The following PLCL2 variants were observed in gnomAD, a reference collection of about 807,000 sequenced individuals.
The protein encoded by PLCL2 is inactive phospholipase C-like protein 2.
Under a neutral mutation model 79.6 loss-of-function variants are expected in PLCL2, and 4 were observed. The ratio of observed to expected loss-of-function variants is 0.05; its 90% CI spans 0.02 to 0.11. The LOEUF (loss-of-function observed/expected upper bound fraction) is 0.11. Among genes scored for constraint, PLCL2 ranks in the 10% least tolerant of loss-of-function variants. PLCL2 has a pLI of 1.00. For missense variants in PLCL2, 895 were observed against 1,291.0 expected (o/e 0.69, Z 4.70); for synonymous variants, 484 against 457.7 (o/e 1.06, Z -0.73).
At chr3:16,959,557 G>A (rs1415935144) in intron 1 of PLCL2, among the ~76,000 whole-genome samples, 1 of 151,938 alleles carries the variant, frequency 6.6e-6, no homozygotes, top group Non-Finnish European at 1.5e-5. Flanking sequence ...CTGACTGCGT[G>A]CATCACCTTC....
intron 1 of PLCL2, among the ~76,000 whole-genome samples, chr3:16,938,940 C>G (rs1408829475): frequency 1.3e-5 from 2 of 152,170 alleles, no homozygotes; most frequent in East Asian, 3.8e-4. Flanking sequence ...AGTTTCATTT[C>G]TGACTTTTAT....
chr3:16,889,637 A>G (rs748039158), intron 1 of PLCL2, among the ~76,000 whole-genome samples: 1 of 152,146 alleles, frequency 6.6e-6, no homozygotes, highest in Non-Finnish European at 1.5e-5. Flanking sequence ...TACTATGTTC[A>G]CCTATGTCTT....
chr3:17,061,636 A>T (rs1376271311), intron 4 of PLCL2, among the ~76,000 whole-genome samples: 1 of 152,218 alleles, frequency 6.6e-6, no homozygotes, highest in Admixed American at 6.5e-5. Context: ...ACATATAAAA[A>T]ATCCTAGCTG....
intron 1 of PLCL2, among the ~76,000 whole-genome samples, chr3:16,910,493 C>G (rs190650183): frequency 1.3e-5 from 2 of 152,068 alleles, no homozygotes; most frequent in Non-Finnish European, 2.9e-5. Flanking sequence ...TCCTGTCTCA[C>G]GCATCAGTCT....
intron 1 of PLCL2, among the ~76,000 whole-genome samples, chr3:16,978,873 C>T (rs1030422882): frequency 6.6e-6 from 1 of 152,178 alleles, no homozygotes; most frequent in Non-Finnish European, 1.5e-5. Context: ...CATAGGAAAA[C>T]TTGTGCTTAA....
chr3:16,933,878 G>A (rs929342208), intron 1 of PLCL2, among the ~76,000 whole-genome samples: 1 of 152,042 alleles, frequency 6.6e-6, no homozygotes, highest in Non-Finnish European at 1.5e-5. Context: ...GACCAGCTTG[G>A]CCAACATGGT....
intron 1 of PLCL2, among the ~76,000 whole-genome samples, chr3:16,929,838 G>A (rs547629088): frequency 6.6e-6 from 1 of 152,304 alleles, no homozygotes; most frequent in Non-Finnish European, 1.5e-5. Flanking sequence ...GTGAATAGCT[G>A]GCATGCATTT....
In PLCL2 at chr3:16,924,651, C is replaced by T. The variant is rs1479280728; in HGVS notation, c.327+39285C>T. ...CTTTTCTATATCCTACAGTCACTCT[C>T]TGTTGGACTATACCAGTTAAAGGTC... On this transcript the variant is annotated intron_variant, in intron 1 of 5. Transcript: ENST00000615277. Among the ~76,000 whole-genome samples, 5 of 152,164 alleles carry T rather than the reference C, an allele frequency of 3.3e-5. No individual in the cohort carries two copies. In the East Asian group the frequency reaches 9.6e-4, roughly 29 times the overall value.
chr3:16,979,767 TTCTCAA>T (rs1199385263), intron 1 of PLCL2, among the ~76,000 whole-genome samples: 1 of 147,856 alleles, frequency 6.8e-6, no homozygotes, highest in Non-Finnish European at 1.5e-5. Context: ...ACCATCCGAT[TTCTCAA>T]TCTTTTCCCC....
At chr3:16,889,156 A>G (rs1696290062) in intron 1 of PLCL2, among the ~76,000 whole-genome samples, 1 of 152,192 alleles carries the variant, frequency 6.6e-6, no homozygotes, top group Non-Finnish European at 1.5e-5. Context: ...AAAACACGTG[A>G]AAAGTGCTTA....
At chr3:16,977,113 C>A (rs569661971) in intron 1 of PLCL2, among the ~76,000 whole-genome samples, 1 of 151,502 alleles carries the variant, frequency 6.6e-6, no homozygotes, top group East Asian at 1.9e-4. Flanking sequence ...CCATTGAATA[C>A]GCACACACAC....
Position 17,014,917 on chromosome 3 carries a change from T to C in PLCL2, c.3018+6T>C. ...TCGTAACAACTTATGACATGGTGAGTTGTCCTTTGTCCGTTTACATAGCCT... is the reference window on the plus strand; with the variant it reads ...TCGTAACAACTTATGACATGGTGAGCTGTCCTTTGTCCGTTTACATAGCCT... On this transcript the variant is annotated splice_donor_region_variant and intron_variant, in intron 3 of 5. Transcript: ENST00000615277. The C allele has an allele frequency of 6.2e-7, 1 of 1,608,996 alleles. No individual in the cohort carries two copies. The highest frequency in any genetic ancestry group is 8.5e-7 in the Non-Finnish European group (1 of 1,175,792).
At chr3:16,951,709 A>AT (rs1262235116) in intron 1 of PLCL2, among the ~76,000 whole-genome samples, 1 of 152,136 alleles carries the variant, frequency 6.6e-6, no homozygotes, top group African/African-American at 2.4e-5. Flanking sequence ...TAGTGCACAC[A>AT]TATCATTCAT....
intron 3 of PLCL2, among the ~76,000 whole-genome samples, chr3:17,016,524 G>T (rs1448194118): frequency 6.6e-6 from 1 of 152,174 alleles, no homozygotes; most frequent in Non-Finnish European, 1.5e-5. Context: ...ACTGTGCTGA[G>T]TGCCAAAGGG....
chr3:17,083,690 A>C (rs1213079857), intron 5 of PLCL2, among the ~76,000 whole-genome samples: 1 of 152,186 alleles, frequency 6.6e-6, no homozygotes, highest in Non-Finnish European at 1.5e-5. Flanking sequence ...AACTTTATAT[A>C]TATGTTTTGA....
At chr3:16,930,991 G>C (rs1313597253) in intron 1 of PLCL2, among the ~76,000 whole-genome samples, 1 of 151,984 alleles carries the variant, frequency 6.6e-6, no homozygotes, top group African/African-American at 2.4e-5. Flanking sequence ...GCAGGTAGTA[G>C]GGTAGGATCC....
intron 1 of PLCL2, among the ~76,000 whole-genome samples, chr3:16,947,715 A>G (rs1229413931): frequency 1.3e-5 from 2 of 152,204 alleles, no homozygotes; most frequent in African/African-American, 4.8e-5. Context: ...GACTGGCAAT[A>G]TTTTAATTCT....
At chr3:16,986,625 A>T (rs1395181152) in intron 1 of PLCL2, among the ~76,000 whole-genome samples, 2 of 151,834 alleles carry the variant, frequency 1.3e-5, no homozygotes, top group South Asian at 2.1e-4. Context: ...CTGGTCTCTA[A>T]CTCCTGACCT....
At chr3:16,893,438 A>G (rs1032041439) in intron 1 of PLCL2, among the ~76,000 whole-genome samples, 1 of 152,204 alleles carries the variant, frequency 6.6e-6, no homozygotes, top group African/African-American at 2.4e-5. Flanking sequence ...AATATTCAGT[A>G]TATTTTTGGA....
Sources: gnomAD v4.1 joint callset for allele counts (sites outside exome capture counted in the v4.1 genomes callset) on GRCh38, gnomAD v4.1.1 for gene constraint, MANE v1.5 for transcripts, NCBI Gene and HGNC (gene_info 2026-07-23, HGNC 2026-07-21) for gene names.